Variants in OPCML observed in about 807,000 individuals in gnomAD.
The protein encoded by OPCML is opioid-binding protein/cell adhesion molecule.
Under a neutral mutation model 37.8 loss-of-function variants are expected in OPCML, and 13 were observed. The observed-to-expected ratio is 0.34, with a 90% CI of 0.22 to 0.55. OPCML has a LOEUF of 0.55. OPCML is among the 20% of genes least tolerant of loss of function. The pLI is 0.91. For missense variants in OPCML, 341 were observed against 435.6 expected (o/e 0.78, Z 1.93); for synonymous variants, 176 against 168.8 (o/e 1.04, Z -0.33).
At chr11:132,637,035 C>G (rs934275999) in intron 3 of OPCML, among the ~76,000 whole-genome samples, 3 of 152,144 alleles carry the variant, frequency 2.0e-5, no homozygotes, top group African/African-American at 7.2e-5. Flanking sequence ...ACGCCATCAA[C>G]TAGCCAAGCA....
chr11:132,616,532 G>A (rs1305351747), intron 3 of OPCML, among the ~76,000 whole-genome samples: 2 of 152,298 alleles, frequency 1.3e-5, no homozygotes, highest in East Asian at 1.9e-4. Context: ...CATAAAATAA[G>A]GGAGTAGAAG....
At chr11:132,958,501 G>A (rs1437504422) in intron 1 of OPCML, among the ~76,000 whole-genome samples, 1 of 152,232 alleles carries the variant, frequency 6.6e-6, no homozygotes. Context: ...CAGATCTTCA[G>A]TGTAGCTGAA....
At chr11:132,976,079 C>G (rs1946456972) in intron 1 of OPCML, among the ~76,000 whole-genome samples, 1 of 152,194 alleles carries the variant, frequency 6.6e-6, no homozygotes, top group African/African-American at 2.4e-5. Flanking sequence ...TTACTGATAT[C>G]TGCTTTTGAC....
chr11:133,411,857 G>T (rs1391330035), intron 1 of OPCML, among the ~76,000 whole-genome samples: 2 of 152,130 alleles, frequency 1.3e-5, no homozygotes, highest in Non-Finnish European at 2.9e-5. Context: ...TATTGTCTTT[G>T]ACTGAACATC....
At chr11:132,477,732 T>C (rs1298913920) in intron 4 of OPCML, among the ~76,000 whole-genome samples, 1 of 152,176 alleles carries the variant, frequency 6.6e-6, no homozygotes, top group African/African-American at 2.4e-5. Flanking sequence ...AGGTGCTGTG[T>C]ATTGTAGGTG....
At chr11:133,515,694 G>A (rs926125954) in intron 1 of OPCML, among the ~76,000 whole-genome samples, 1 of 152,002 alleles carries the variant, frequency 6.6e-6, no homozygotes, top group African/African-American at 2.4e-5. Context: ...GGTGCATCAA[G>A]AGGGAAAGGA....
At chr11:133,226,627 A>G (rs1275685307) in intron 1 of OPCML, among the ~76,000 whole-genome samples, 1 of 152,210 alleles carries the variant, frequency 6.6e-6, no homozygotes, top group Non-Finnish European at 1.5e-5. Context: ...ATATTTTAAC[A>G]TCTAAATTAA....
At position 132,476,955 on chromosome 11, in the gene OPCML, C is replaced by T. The variant is rs561700779; in HGVS notation, c.506-39596G>A. ...TTTTCCCAATTTTTAAAATTGAATG[C>T]AAGTGTCCTTTTAATCTGAGTATCC... On this transcript the variant is annotated intron_variant, in intron 4 of 7. Coordinates refer to ENST00000524381, the MANE Select transcript of OPCML (RefSeq NM_001012393.5). Among the ~76,000 whole-genome samples the T allele has an allele frequency of 6.6e-5, 10 of 152,202 alleles. No homozygotes were observed. In the South Asian group the frequency reaches 2.1e-3, roughly 32 times the overall value.
intron 3 of OPCML, among the ~76,000 whole-genome samples, chr11:132,586,322 T>A (rs2096472600): frequency 6.6e-6 from 1 of 152,232 alleles, no homozygotes; most frequent in African/African-American, 2.4e-5. Context: ...TATATCCCCA[T>A]GTACCTCTGA....
chr11:132,923,368 T>C (rs1944878816), intron 2 of OPCML, among the ~76,000 whole-genome samples: 1 of 152,156 alleles, frequency 6.6e-6, no homozygotes, highest in Non-Finnish European at 1.5e-5. Flanking sequence ...TTCTAAAAAA[T>C]CTTCCTGGAT....
chr11:133,109,329 C>T (rs1777698194), intron 1 of OPCML, among the ~76,000 whole-genome samples: 1 of 152,124 alleles, frequency 6.6e-6, no homozygotes, highest in African/African-American at 2.4e-5. Context: ...TGGAAGAGGA[C>T]TGAGTGGGTT....
At chr11:133,318,337 C>G (rs1186672071) in intron 1 of OPCML, among the ~76,000 whole-genome samples, 2 of 152,204 alleles carry the variant, frequency 1.3e-5, no homozygotes, top group Non-Finnish European at 2.9e-5. Context: ...ACTCCTCACG[C>G]TCTATACCTC....
At chr11:133,503,171 C>T (rs111874222) in intron 1 of OPCML, among the ~76,000 whole-genome samples, 17 of 152,268 alleles carry the variant, frequency 1.1e-4, no homozygotes, top group African/African-American at 3.4e-4. Context: ...AATGTGCTGG[C>T]CTAGAAGTCA....
intron 1 of OPCML, among the ~76,000 whole-genome samples, chr11:133,022,055 T>C (rs926674984): frequency 3.9e-5 from 6 of 152,192 alleles, no homozygotes; most frequent in Non-Finnish European, 5.9e-5. Flanking sequence ...AGTGGCTTGC[T>C]TGGGGTGGGA....
At chr11:133,322,000 G>A (rs1200361682) in intron 1 of OPCML, among the ~76,000 whole-genome samples, 11 of 151,956 alleles carry the variant, frequency 7.2e-5, no homozygotes, top group Admixed American at 7.2e-4. Flanking sequence ...TACACATGTG[G>A]GAACACGCAA....
Position 132,436,695 on chromosome 11 carries a change from G to T in OPCML, c.728C>A (p.Pro243His). 6.2e-7 allele frequency: 1 copy of T among 1,614,152 alleles called. No homozygotes were observed. The highest frequency in any genetic ancestry group is 1.1e-5 in the South Asian group (1 of 91,086). ...CTTGAACCACTGGAATTCAGCCATG[G>T]GGACTGCAGAGGCTTCACAGCTCAG... The part of the protein sequence containing the change: ...GILSCEASAV[P>H]MAEFQWFKEE... The change falls in exon 6 of 8, where the codon CCC becomes CAC. Residue 243 changes from proline (P) to histidine (H), a missense_variant. Physicochemically the swap from Pro to His is moderately conservative, Grantham distance 77. Transcript: ENST00000524381.
intron 1 of OPCML, among the ~76,000 whole-genome samples, chr11:132,978,549 A>G (rs1372833288): frequency 6.6e-6 from 1 of 152,034 alleles, no homozygotes; most frequent in East Asian, 1.9e-4. Context: ...GTGAATGGCT[A>G]CCCCGGGGGT....
At chr11:133,157,920 G>A (rs185469301) in intron 1 of OPCML, among the ~76,000 whole-genome samples, 3 of 152,294 alleles carry the variant, frequency 2.0e-5, no homozygotes, top group Admixed American at 2.0e-4. Context: ...GCCCCGGGGG[G>A]CACTGGTTAT....
chr11:133,494,268 T>C (rs1468197290), intron 1 of OPCML, among the ~76,000 whole-genome samples: 1 of 151,920 alleles, frequency 6.6e-6, no homozygotes, highest in East Asian at 1.9e-4. Context: ...TTTACACTGT[T>C]GGTGGGACTG....
Sources: gnomAD v4.1 joint callset for allele counts (sites outside exome capture counted in the v4.1 genomes callset) on GRCh38, gnomAD v4.1.1 for gene constraint, MANE v1.5 for transcripts, NCBI Gene and HGNC (gene_info 2026-07-23, HGNC 2026-07-21) for gene names.